Variants in ZNF318 observed in about 807,000 individuals in gnomAD.
ZNF318 encodes zinc finger protein 318.
Under a neutral mutation model 124.2 loss-of-function variants are expected in ZNF318, and 51 were observed. The observed-to-expected ratio is 0.41, with a 90% CI of 0.33 to 0.52. The LOEUF is 0.52. Among genes scored for constraint, ZNF318 ranks in the 20% least tolerant of loss-of-function variants. The pLI, the probability that ZNF318 is intolerant of heterozygous loss-of-function variation, is 0.23. For missense variants in ZNF318, 2,815 were observed against 2,811.2 expected, an observed-to-expected ratio of 1.00 and a Z score of -0.03; for synonymous variants, 1,090 against 1,040.7, an observed-to-expected ratio of 1.05 and a Z score of -0.91.
Position 43,369,194 on chromosome 6 carries a change from G to T in ZNF318, c.172C>A (p.Arg58Ser). Residue 58 changes from arginine to serine, a missense_variant, in exon 1 of 10, where the codon CGC (arginine) becomes AGC (serine). Transcript: ENST00000361428. ...CGGCCGCGGTGCCCTGAGGGCGAGC[G>T]GGGTCGGCGAGCCGGGGTCCGCGAC... ...SSSRTPARRP[R>S]SPSGHRGRRA... The T allele has an allele frequency of 8.3e-7, 1 of 1,211,256 alleles. No individual in the cohort carries two copies. Among genetic ancestry groups the T allele is most frequent in the Non-Finnish European group, 1.0e-6 (1 of 976,414 alleles). The allele number at this position is 1,211,256 out of a possible 1,614,324, so 75.0% of individuals were successfully genotyped here.
chr6:43,339,082 A>C lies in ZNF318; in HGVS notation c.4916T>G (p.Val1639Gly). 1.2e-6 allele frequency: 2 copies of C among 1,614,170 alleles called. No homozygotes were observed. The highest frequency in any genetic ancestry group is 1.7e-6 in the Non-Finnish European group (2 of 1,180,020). ...QDEGLVAAPI[V>G]SNSEKPIAKT... ...TGCAATGGGCTTTTCAGAGTTGCTAACTATAGGAGCAGCGACCAAACCCTC... is the reference window on the plus strand; with the variant it reads ...TGCAATGGGCTTTTCAGAGTTGCTACCTATAGGAGCAGCGACCAAACCCTC... The change falls in exon 10 of 10, where the codon GTT becomes GGT. Residue 1639 changes from valine (V) to glycine (G), a missense_variant. Val to Gly is a moderately radical substitution (Grantham distance 109). This residue lies in a region of ZNF318 where 927 missense variants were observed against 820.6 expected (regional missense o/e 1.13). Transcript: ENST00000361428. The surrounding 1 kb of genome is among the most constrained non-coding windows in gnomAD (Gnocchi z 4.2).
At chr6:43,352,257 A>ACCACCATCATCTGGGAGAAG in intron 5 of ZNF318, 120 bp downstream of exon 5, 1 of 356,594 alleles carries the variant, frequency 2.8e-6, no homozygotes, top group Non-Finnish European at 4.2e-6. Context: ...TTGTAAGTTT[A>ACCACCATCATCTGGGAGAAG]ATTACGTCAA....
rs1463757859 is a variant in ZNF318 at position 43,339,023 on chromosome 6, C to T, written c.4975G>A (p.Val1659Ile). Residue 1659 changes from valine (V) to isoleucine (I), a missense_variant, in exon 10 of 10, where the codon GTA (valine) becomes ATA (isoleucine). Transcript: ENST00000361428. The surrounding 1 kb of genome is among the most constrained non-coding windows in gnomAD (Gnocchi z 4.2). ...GTGCTTTTTGGGCCTACATGTTCTA[C>T]AACTGACCATTTCCCTAGGGCCACC... ...TLVALGKWSV[V>I]EHVGPKSTGS... The T allele has an allele frequency of 6.2e-7, 1 of 1,614,192 alleles. No individual in the cohort carries two copies. Among genetic ancestry groups the T allele is most frequent in the Admixed American group, 1.7e-5 (1 of 60,022 alleles).
At position 43,338,305 on chromosome 6, in the gene ZNF318, G is replaced by T; in HGVS notation, c.5693C>A (p.Ala1898Asp). Reference sequence around the variant, plus strand: ...ACCTGTTAAACACATAGCTGATCTGGCTGGGGAATGAAGCAGCAACTCTGG... The same window carrying T: ...ACCTGTTAAACACATAGCTGATCTGTCTGGGGAATGAAGCAGCAACTCTGG... ...SAPELLLHSPARSAMCLTGSP... is the reference protein window; with the variant it reads ...SAPELLLHSPDRSAMCLTGSP... The change falls in exon 10 of 10, where the codon GCC becomes GAC. Residue 1898 changes from alanine (A) to aspartate (D), a missense_variant. Physicochemically the swap from Ala to Asp is moderately radical, Grantham distance 126. This residue lies in a region of ZNF318 where 927 missense variants were observed against 820.6 expected (regional missense o/e 1.13). Coordinates refer to ENST00000361428, the MANE Select transcript of ZNF318 (RefSeq NM_014345.3). The T allele has an allele frequency of 6.2e-7, 1 of 1,614,164 alleles. No individual in the cohort carries two copies. The highest frequency in any genetic ancestry group is 2.2e-5 in the East Asian group (1 of 44,884).
Position 43,337,437 on chromosome 6 carries a change from C to T in ZNF318, c.6561G>A (p.Leu2187=), listed in dbSNP as rs759173765. 6.2e-7 allele frequency: 1 copy of T among 1,614,162 alleles called. No individual in the cohort carries two copies. The highest frequency in any genetic ancestry group is 8.5e-7 in the Non-Finnish European group (1 of 1,180,036). Residue 2187 remains leucine (L), a synonymous_variant, in exon 10 of 10, where the codon CTG becomes CTA. Coordinates refer to ENST00000361428, the MANE Select transcript of ZNF318 (RefSeq NM_014345.3). ...TRTSGVQKDK[L]CSPLSEPGDP... ...CACCTGGCTCAGAGAGTGGAGAACA[C>T]AGTTTATCTTTTTGAACTCCAGAGG...
Position 43,354,846 on chromosome 6 carries a change from G to A in ZNF318, c.2488C>T (p.Arg830Cys), listed in dbSNP as rs763624474. The A allele has an allele frequency of 3.7e-6, 6 of 1,614,178 alleles. No homozygotes were observed. The highest frequency in any genetic ancestry group is 3.4e-6 in the Non-Finnish European group (4 of 1,180,036). Residue 830 changes from arginine (R) to cysteine (C), a missense_variant, in exon 4 of 10, where the codon CGT becomes TGT. Physicochemically the swap from Arg to Cys is radical, Grantham distance 180. This residue lies in a region of ZNF318 where 1,377 missense variants were observed against 1,353.5 expected (regional missense o/e 1.02). Coordinates refer to ENST00000361428, the MANE Select transcript of ZNF318 (RefSeq NM_014345.3). ...ATCACACGAAGATTGGGACGGCTAC[G>A]AGTAGCTTGTTTGGTTATTGGCATT... ...RIMPITKQAT[R>C]SRPNLRVIPT...
chr6:43,360,011 C>T (rs751168460), intron 2 of ZNF318, among the ~76,000 whole-genome samples: 3 of 152,058 alleles, frequency 2.0e-5, no homozygotes, highest in Non-Finnish European at 4.4e-5. Flanking sequence ...ACTCCATTGC[C>T]AAAACACCAT....
chr6:43,363,660 C>A, intron 2 of ZNF318: 2 of 533,748 alleles, frequency 3.7e-6, no homozygotes, highest in South Asian at 4.5e-5. Context: ...TGGAGAACTA[C>A]CTCTTCTTCC....
At chr6:43,346,454 C>G (rs1229731191) in intron 6 of ZNF318, among the ~76,000 whole-genome samples, 3 of 143,932 alleles carry the variant, frequency 2.1e-5, no homozygotes, top group Non-Finnish European at 3.0e-5. Context: ...GCACTCCAGT[C>G]TGGGTGACAG....
Position 43,339,107 on chromosome 6 carries a change from C to G in ZNF318, c.4891G>C (p.Glu1631Gln), listed in dbSNP as rs554988849. The change falls in exon 10 of 10, where the codon GAG (glutamate) becomes CAG (glutamine). Residue 1631 changes from glutamate to glutamine, a missense_variant. By Grantham distance (29) the Glu-to-Gln change is conservative (BLOSUM62 2). Coordinates refer to ENST00000361428, the MANE Select transcript of ZNF318 (RefSeq NM_014345.3). This position sits in a 1 kb window ranked among gnomAD's most constrained non-coding sequence, Gnocchi z 4.2. ...SASQEELHQD[E>Q]GLVAAPIVSN... ...ACTATAGGAGCAGCGACCAAACCCT[C>G]ATCTTGATGCAACTCCTCTTGGGAT... 1 of 1,614,162 alleles carries G rather than the reference C, an allele frequency of 6.2e-7. No homozygotes were observed. Among genetic ancestry groups the G allele is most frequent in the South Asian group, 1.1e-5 (1 of 91,082 alleles).
Position 43,355,859 on chromosome 6 carries a change from T to A in ZNF318, c.1475A>T (p.Asp492Val). Residue 492 changes from aspartate to valine, a missense_variant, in exon 4 of 10, where the codon GAC becomes GTC. Physicochemically the swap from Asp to Val is radical, Grantham distance 152. Coordinates refer to ENST00000361428, the MANE Select transcript of ZNF318 (RefSeq NM_014345.3). ...LKAEGPERHT[D>V]FLLPHERASQ... Reference sequence around the variant, plus strand: ...AGCTCTCTCATGGGGCAGCAGGAAGTCTGTGTGTCGCTCAGGTCCCTCAGC... The same window carrying A: ...AGCTCTCTCATGGGGCAGCAGGAAGACTGTGTGTCGCTCAGGTCCCTCAGC... 6.2e-7 allele frequency: 1 copy of A among 1,614,224 alleles called. No individual in the cohort carries two copies.
intron 2 of ZNF318, among the ~76,000 whole-genome samples, chr6:43,361,072 T>C (rs1383488130): frequency 6.6e-6 from 1 of 152,220 alleles, no homozygotes; most frequent in African/African-American, 2.4e-5. Context: ...GGGTGAATTA[T>C]ATAGTATACA....
chr6:43,368,290 T>C (rs1779788048), intron 1 of ZNF318, among the ~76,000 whole-genome samples: 1 of 152,198 alleles, frequency 6.6e-6, no homozygotes, highest in African/African-American at 2.4e-5. Context: ...TGAACCTCTC[T>C]GGGTTGGTTC....
chr6:43,357,624 G>T lies in ZNF318; in HGVS notation c.690C>A (p.Phe230Leu). 1 of 1,614,120 alleles carries T rather than the reference G, an allele frequency of 6.2e-7. No homozygotes were observed. The highest frequency in any genetic ancestry group is 8.5e-7 in the Non-Finnish European group (1 of 1,180,036). The change falls in exon 3 of 10, where the codon TTC becomes TTA. Residue 230 changes from phenylalanine (F) to leucine (L), a missense_variant. Phe to Leu is a conservative substitution (Grantham distance 22). Coordinates refer to ENST00000361428, the MANE Select transcript of ZNF318 (RefSeq NM_014345.3). ...GGGGACTATAATCAGATCGATGCAG[G>T]AAAGTTTCTTTTGTTCGGTAGTCCT... ...LDEDYRTKET[F>L]LHRSDYSPHI...
chr6:43,369,400 A>T lies in ZNF318; in HGVS notation c.-35T>A. On this transcript the variant is annotated 5_prime_UTR_variant, in exon 1 of 10. Transcript: ENST00000361428. The stretch of plus-strand genomic sequence containing the variant: ...AGCGGCGGCCACGGCGACAGCTCTG[A>T]CCCGGGGGCGCCCTAGACGCAGGCT... 4 of 1,191,066 alleles carry T rather than the reference A, an allele frequency of 3.4e-6. No homozygotes were observed. The highest frequency in any genetic ancestry group is 3.1e-6 in the Non-Finnish European group (3 of 960,752). 73.8% of individuals were successfully genotyped at this position (1,191,066 alleles called of 1,614,324 possible). A position where few individuals can be genotyped will look rare whatever the true frequency, so the allele number is the denominator to read the frequency against.
At chr6:43,351,804 C>T (rs1206417702) in intron 5 of ZNF318, among the ~76,000 whole-genome samples, 1 of 151,258 alleles carries the variant, frequency 6.6e-6, no homozygotes, top group African/African-American at 2.4e-5. Flanking sequence ...CACACATACA[C>T]ACAAATTGAG....
intron 6 of ZNF318, among the ~76,000 whole-genome samples, chr6:43,343,827 CAAAAAAAAAAAA>C (rs10560070): frequency 0.32 from 33,282 of 103,476 alleles, 4,238 homozygotes; most frequent in African/African-American, 0.41. Flanking sequence ...GACCCTGTCT[CAAAAAAAAAAAA>C]AAAAAAAAAA....
At chr6:43,360,512 T>C (rs1303593475) in intron 2 of ZNF318, among the ~76,000 whole-genome samples, 1 of 152,204 alleles carries the variant, frequency 6.6e-6, no homozygotes, top group Non-Finnish European at 1.5e-5. Context: ...AAAAAACTGA[T>C]TGTTGGAGTT....
Position 43,355,543 on chromosome 6 carries a change from C to A in ZNF318, c.1791G>T (p.Lys597Asn). The A allele has an allele frequency of 1.2e-6, 2 of 1,614,208 alleles. No individual in the cohort carries two copies. Among genetic ancestry groups the A allele is most frequent in the South Asian group, 2.2e-5 (2 of 91,082 alleles). ...PEYAKIHDLL[K>N]TIGLDIGVAE... is the part of the protein sequence containing the mutation. The stretch of plus-strand genomic sequence containing the variant: ...CTACTCCAATATCCAGCCCTATTGT[C>A]TTGAGCAAGTCATGGATCTTCGCAT... The change falls in exon 4 of 10, where the codon AAG becomes AAT. Residue 597 changes from lysine to asparagine, a missense_variant. This residue lies in a region of ZNF318 where 1,377 missense variants were observed against 1,353.5 expected (regional missense o/e 1.02). Coordinates refer to ENST00000361428, the MANE Select transcript of ZNF318 (RefSeq NM_014345.3).
Sources: allele counts gnomAD v4.1 joint callset (sites outside exome capture counted in the v4.1 genomes callset), GRCh38; gene constraint gnomAD v4.1.1; regional missense constraint gnomAD v4.1.1; non-coding constraint Gnocchi (gnomAD v3.1); transcripts MANE v1.5; gene names NCBI Gene and HGNC (gene_info 2026-07-23, HGNC 2026-07-21).